CPB1: variants seen among roughly 807,000 people sequenced by gnomAD.
CPB1 encodes carboxypeptidase B.
CPB1 carries 53 observed loss-of-function variants against 51.4 expected under a neutral mutation model. The observed-to-expected ratio is 1.03, with a 90% confidence interval of 0.83 to 1.30. The LOEUF (loss-of-function observed/expected upper bound fraction) is 1.30. Ranked by LOEUF, CPB1 falls within the 50% of genes most tolerant of loss-of-function variation. CPB1 has a pLI of 0.00. For synonymous variants in CPB1, 189 were observed against 186.9 expected (o/e 1.01, Z -0.09); for missense variants, 494 against 516.2 (o/e 0.96, Z 0.42).
At position 148,845,473 on chromosome 3, in the gene CPB1, C is replaced by T. The variant is rs146059086; in HGVS notation, c.828C>T (p.Ala276=). The change falls in exon 9 of 11, where the codon GCC becomes GCT. Residue 276 remains alanine (A), a synonymous_variant. Coordinates refer to ENST00000282957, the MANE Select transcript of CPB1 (RefSeq NM_001871.3). ...GTGATGAAACTTACTGTGGACCTGC[C>T]GCAGAGTCTGAAAAGGAGACCAAGG... The part of the protein sequence containing the change: ...NPCDETYCGP[A]AESEKETKAL... 45 of 1,613,762 alleles carry T rather than the reference C, an allele frequency of 2.8e-5. No homozygotes were observed. In the East Asian group the frequency reaches 6.7e-4, roughly 24 times the overall value.
chr3:148,855,654 T>C (rs1349844606), intron 9 of CPB1: 1 of 152,236 alleles, frequency 6.6e-6, no homozygotes, highest in Non-Finnish European at 1.5e-5. Context: ...TTAAATCTTC[T>C]CTAGTCTTCG....
At chr3:148,831,391 A>T (rs1412781713) in intron 2 of CPB1, among the ~76,000 whole-genome samples, 1 of 152,242 alleles carries the variant, frequency 6.6e-6, no homozygotes, top group Non-Finnish European at 1.5e-5. Context: ...ACAAAAAAGG[A>T]AAATTTCACC....
chr3:148,841,662 A>G (rs2108015175), intron 5 of CPB1, among the ~76,000 whole-genome samples, 161 bp from the exon 6 acceptor site: 1 of 152,334 alleles, frequency 6.6e-6, no homozygotes, highest in East Asian at 1.9e-4. Context: ...AGAAGCGAGA[A>G]CATACTGTGT....
intron 3 of CPB1, among the ~76,000 whole-genome samples, chr3:148,839,374 T>TA (rs1316655767): frequency 3.3e-5 from 5 of 152,088 alleles, no homozygotes; most frequent in Non-Finnish European, 7.4e-5. Flanking sequence ...AACTATAAAA[T>TA]AAAAAATTCA....
chr3:148,829,234 G>C (rs1368617943), intron 2 of CPB1, among the ~76,000 whole-genome samples: 7 of 152,258 alleles, frequency 4.6e-5, no homozygotes, highest in Non-Finnish European at 1.0e-4. Context: ...ATTCTGCTCA[G>C]ATCTAGATAC....
intron 3 of CPB1, 27 bp downstream of exon 3, chr3:148,834,649 A>C (rs374580090): frequency 6.6e-4 from 1,055 of 1,588,906 alleles, no homozygotes; most frequent in Non-Finnish European, 8.7e-4. Flanking sequence ...TAAATATTAA[A>C]ATTCTCTCCC....
Position 148,833,799 on chromosome 3 carries a change from C to A in CPB1, c.148-699C>A, listed in dbSNP as rs1244366095. ...TTCTCTAATGTCTCCCCCATAAAGA[C>A]AAAGGCCATGTTTGATTTGCCCACT... On this transcript the variant is annotated intron_variant, in intron 2 of 10. Transcript: ENST00000282957. Among the ~76,000 whole-genome samples, 3 of 151,356 alleles carry A rather than the reference C, an allele frequency of 2.0e-5. No individual in the cohort carries two copies. In the East Asian group the frequency reaches 5.8e-4, roughly 29 times the overall value.
chr3:148,835,920 G>A (rs1315511260), intron 3 of CPB1, among the ~76,000 whole-genome samples: 1 of 152,126 alleles, frequency 6.6e-6, no homozygotes, highest in Admixed American at 6.6e-5. Context: ...AACAAGTAAA[G>A]GCTTTGGGAA....
At chr3:148,846,640 T>C (rs1713246777) in intron 9 of CPB1, among the ~76,000 whole-genome samples, 1 of 150,252 alleles carries the variant, frequency 6.7e-6, no homozygotes, top group Non-Finnish European at 1.5e-5. Flanking sequence ...CCCAGTCTCC[T>C]AGAAAATTGA....
chr3:148,829,429 A>C (rs1712665002), intron 2 of CPB1, among the ~76,000 whole-genome samples: 1 of 152,166 alleles, frequency 6.6e-6, no homozygotes, highest in Non-Finnish European at 1.5e-5. Flanking sequence ...GAACACTATG[A>C]GCTTATATTA....
chr3:148,834,617 A>G lies in CPB1; in HGVS notation c.267A>G (p.Gln89=), dbSNP rs1311867735. 6.2e-7 allele frequency: 1 copy of G among 1,606,294 alleles called. No homozygotes were observed. Among genetic ancestry groups the G allele is most frequent in the African/African-American group, 1.3e-5 (1 of 74,930 alleles). ...ATGTTCTAAAGCAGAATGAACTACA[A>G]TACAAGTAAGTTTATGTTTTATAAA... ...VENVLKQNEL[Q]YKVLISNLRN... Residue 89 remains glutamine (Q), a synonymous_variant, in exon 3 of 11, where the codon CAA becomes CAG. Transcript: ENST00000282957.
Position 148,840,718 on chromosome 3 carries a change from A to C in CPB1, c.305A>C (p.Glu102Ala), listed in dbSNP as rs140763464. The C allele has an allele frequency of 6.2e-7, 1 of 1,614,198 alleles. No individual in the cohort carries two copies. The highest frequency in any genetic ancestry group is 2.2e-5 in the East Asian group (1 of 44,884). Residue 102 changes from glutamate (E) to alanine (A), a missense_variant, in exon 4 of 11, where the codon GAG becomes GCG. Coordinates refer to ENST00000282957, the MANE Select transcript of CPB1 (RefSeq NM_001871.3). Reference protein sequence around the residue: ...VLISNLRNVVEAQFDSRVRAT... With the variant: ...VLISNLRNVVAAQFDSRVRAT... ...ATAAGCAACCTGAGAAATGTGGTGG[A>C]GGCTCAGTTTGATAGCCGGGTTCGT...
intron 6 of CPB1, among the ~76,000 whole-genome samples, chr3:148,843,112 G>A (rs1490973673): frequency 6.6e-6 from 1 of 152,098 alleles, no homozygotes; most frequent in Non-Finnish European, 1.5e-5. Context: ...AGGCAATGTA[G>A]GATCCTAGAT....
chr3:148,842,973 A>G (rs78081994), intron 6 of CPB1, among the ~76,000 whole-genome samples: 5,922 of 152,284 alleles, frequency 0.039, 214 homozygotes, highest in East Asian at 0.13. Context: ...TAATTTAGAC[A>G]AACTCAAAGT....
At chr3:148,833,703 A>G (rs571350040) in intron 2 of CPB1, among the ~76,000 whole-genome samples, 4 of 151,688 alleles carry the variant, frequency 2.6e-5, no homozygotes, top group African/African-American at 9.7e-5. Flanking sequence ...ATATTTTTCC[A>G]CTGAAAGGTG....
At chr3:148,848,824 A>G (rs937795001) in intron 9 of CPB1, among the ~76,000 whole-genome samples, 1 of 152,192 alleles carries the variant, frequency 6.6e-6, no homozygotes, top group African/African-American at 2.4e-5. Context: ...GAAGACTACA[A>G]TGTTTCTCTA....
chr3:148,859,106 A>G (rs905167438), intron 10 of CPB1, among the ~76,000 whole-genome samples: 18 of 152,172 alleles, frequency 1.2e-4, no homozygotes, highest in Non-Finnish European at 1.6e-4. Context: ...ATTCAGTTCA[A>G]CTAGGCTTCT....
chr3:148,840,863 C>A lies in CPB1; in HGVS notation c.373-11C>A. 6.2e-7 allele frequency: 1 copy of A among 1,612,678 alleles called. No homozygotes were observed. On this transcript the variant is annotated splice_polypyrimidine_tract_variant and intron_variant, in intron 4 of 10. Coordinates refer to ENST00000282957, the MANE Select transcript of CPB1 (RefSeq NM_001871.3). ...ATGCCACATTGATCTACAAATGATTCCATTTGGTAGATAGAGGCTTGGACT... is the reference window on the plus strand; with the variant it reads ...ATGCCACATTGATCTACAAATGATTACATTTGGTAGATAGAGGCTTGGACT...
chr3:148,839,290 C>A (rs928860954), intron 3 of CPB1, among the ~76,000 whole-genome samples: 31 of 152,070 alleles, frequency 2.0e-4, no homozygotes, highest in Non-Finnish European at 4.1e-4. Context: ...CTAGAGCTTC[C>A]CTGTTGATAA....
Sources: allele counts gnomAD v4.1 joint callset (sites outside exome capture counted in the v4.1 genomes callset), GRCh38; gene constraint gnomAD v4.1.1; transcripts MANE v1.5; gene names NCBI Gene and HGNC (gene_info 2026-07-23, HGNC 2026-07-21).